Variants in ASCC1 observed in about 807,000 individuals in gnomAD.
ASCC1 encodes ASC-1 complex subunit P50.
A neutral mutation model predicts 46.6 loss-of-function variants in ASCC1; 35 were observed. The ratio of observed to expected loss-of-function variants is 0.75; its 90% CI spans 0.57 to 0.99. ASCC1 has a LOEUF of 0.99. Ranked by LOEUF, ASCC1 falls within the 50% of genes least tolerant of loss-of-function variation. The pLI is 0.00. For synonymous variants in ASCC1, 143 were observed against 146.6 expected, an observed-to-expected ratio of 0.98 and a Z score of 0.18; for missense variants, 376 against 428.7, an observed-to-expected ratio of 0.88 and a Z score of 1.09.
intron 9 of ASCC1, 35 bp downstream of exon 9, chr10:72,128,047 C>G (rs757864953): frequency 5.2e-6 from 8 of 1,527,862 alleles, no homozygotes; most frequent in Admixed American, 1.7e-5. Flanking sequence ...GGACATGTGC[C>G]AAAGGATTTC....
chr10:72,165,205 C>G (rs1261772575), intron 5 of ASCC1, among the ~76,000 whole-genome samples: 1 of 152,154 alleles, frequency 6.6e-6, no homozygotes, highest in Non-Finnish European at 1.5e-5. Context: ...ACCTCCGCTT[C>G]CCAGGTTCAA....
chr10:72,109,454 T>G (rs1842692704), intron 9 of ASCC1, among the ~76,000 whole-genome samples: 1 of 152,184 alleles, frequency 6.6e-6, no homozygotes, highest in African/African-American at 2.4e-5. Context: ...CCTGCCTGTC[T>G]TGCTGCAGTG....
intron 9 of ASCC1, among the ~76,000 whole-genome samples, chr10:72,116,758 T>C (rs1320830602): frequency 3.3e-5 from 5 of 152,290 alleles, no homozygotes; most frequent in South Asian, 4.1e-4. Flanking sequence ...AACTGTTATA[T>C]TGGTTTTTCT....
intron 6 of ASCC1, among the ~76,000 whole-genome samples, chr10:72,156,889 G>C (rs191969194): frequency 6.6e-6 from 1 of 152,140 alleles, no homozygotes; most frequent in East Asian, 1.9e-4. Flanking sequence ...TTGTAGCCTA[G>C]GAATCCTAGT....
intron 5 of ASCC1, among the ~76,000 whole-genome samples, chr10:72,167,933 G>C (rs1850572301): frequency 6.6e-6 from 1 of 152,166 alleles, no homozygotes; most frequent in Non-Finnish European, 1.5e-5. Context: ...GCTTACCCCT[G>C]TAATCCCAGC....
At chr10:72,190,240 T>C (rs545495568) in intron 5 of ASCC1, 1 of 769,416 alleles carries the variant, frequency 1.3e-6, no homozygotes, top group East Asian at 2.4e-5. Flanking sequence ...GCCTTCAATC[T>C]GTTGCAGAGG....
At chr10:72,111,832 CG>C (rs1842954427) in intron 9 of ASCC1, among the ~76,000 whole-genome samples, 1 of 151,936 alleles carries the variant, frequency 6.6e-6, no homozygotes, top group Admixed American at 6.6e-5. Flanking sequence ...TTAGTAGAGA[CG>C]GGGTTTCACT....
chr10:72,130,311 G>A (rs1392606900), intron 8 of ASCC1, among the ~76,000 whole-genome samples: 1 of 151,952 alleles, frequency 6.6e-6, no homozygotes, highest in Non-Finnish European at 1.5e-5. Flanking sequence ...TTGTGGTGAT[G>A]GCTATACAAG....
At chr10:72,106,375 A>G (rs536520329) in intron 9 of ASCC1, among the ~76,000 whole-genome samples, 195 of 152,332 alleles carry the variant, frequency 1.3e-3, no homozygotes, top group African/African-American at 4.6e-3. Flanking sequence ...TCTCTCTAAG[A>G]AAGGATGCTA....
At position 72,139,802 on chromosome 10, in the gene ASCC1, C is replaced by T. The variant is rs143483859; in HGVS notation, c.747-6621G>A. ...TTAATTCAGCTCCATCCAATTAATGCTTCCTGAGCGCTCACTGTGTACAGA... is the reference window on the plus strand; with the variant it reads ...TTAATTCAGCTCCATCCAATTAATGTTTCCTGAGCGCTCACTGTGTACAGA... On this transcript the variant is annotated intron_variant, in intron 7 of 9. Coordinates refer to ENST00000672957, the MANE Select transcript of ASCC1 (RefSeq NM_001198800.3). 6.8e-3 allele frequency among the ~76,000 whole-genome samples: 1,031 copies of T among 152,308 alleles called. 8 individuals carry two copies. Among genetic ancestry groups the T allele is most frequent in the African/African-American group, 0.024 (977 of 41,554 alleles).
intron 5 of ASCC1, among the ~76,000 whole-genome samples, chr10:72,180,631 AT>A (rs1379809340): frequency 6.6e-6 from 1 of 152,152 alleles, no homozygotes; most frequent in Admixed American, 6.6e-5. Flanking sequence ...GTCTCAAAAA[AT>A]ATATAAAAAT....
At chr10:72,195,634 T>G (rs1855297550) in intron 5 of ASCC1, among the ~76,000 whole-genome samples, 1 of 151,708 alleles carries the variant, frequency 6.6e-6, no homozygotes, top group Admixed American at 6.6e-5. Context: ...AGTTCGAGAC[T>G]GACCAGCCTG....
chr10:72,107,696 C>T (rs921361), intron 9 of ASCC1, among the ~76,000 whole-genome samples: 49,431 of 152,090 alleles, frequency 0.33, 8,675 homozygotes, highest in South Asian at 0.41. Context: ...AGAAAGGGCA[C>T]AAAAAGTTTC....
chr10:72,216,445 C>T, upstream of ASCC1: 1 of 203,780 alleles, frequency 4.9e-6, no homozygotes, highest in Non-Finnish European at 1.0e-5. Flanking sequence ...CCTCTCTGGC[C>T]ACTTTTTCTC....
At chr10:72,143,067 A>C (rs1029624080) in intron 7 of ASCC1, among the ~76,000 whole-genome samples, 2 of 151,620 alleles carry the variant, frequency 1.3e-5, no homozygotes, top group African/African-American at 4.8e-5. Context: ...AGGACAAGGC[A>C]GAAGAATGGC....
intron 5 of ASCC1, among the ~76,000 whole-genome samples, chr10:72,193,441 ACAAAACACAC>A (rs1170576944): frequency 9.1e-6 from 1 of 109,606 alleles, no homozygotes; most frequent in African/African-American, 5.0e-5. Context: ...CAAATAATAA[ACAAAACACAC>A]ACACACACAC....
chr10:72,191,354 C>T (rs868071682), intron 5 of ASCC1, among the ~76,000 whole-genome samples: 1 of 151,684 alleles, frequency 6.6e-6, no homozygotes, highest in Non-Finnish European at 1.5e-5. Flanking sequence ...CATGAGCCAC[C>T]GCGCCTGGCT....
intron 8 of ASCC1, 78 bp from the exon 9 acceptor site, chr10:72,128,245 T>TA: frequency 8.0e-7 from 1 of 1,254,226 alleles, no homozygotes; most frequent in South Asian, 1.2e-5. Context: ...GGTACATAGG[T>TA]ACGACTAGCA....
intron 7 of ASCC1, among the ~76,000 whole-genome samples, chr10:72,140,860 C>T (rs746066335): frequency 8.5e-5 from 13 of 152,280 alleles, no homozygotes; most frequent in South Asian, 2.1e-4. Flanking sequence ...TTTCACCAAA[C>T]GCTCAAAAGA....
Sources: allele counts gnomAD v4.1 joint callset (sites outside exome capture counted in the v4.1 genomes callset), GRCh38; gene constraint gnomAD v4.1.1; transcripts MANE v1.5; gene names NCBI Gene and HGNC (gene_info 2026-07-23, HGNC 2026-07-21).